The following NTRK3 variants were observed in gnomAD, a reference collection of about 807,000 sequenced individuals.
NTRK3 encodes NT-3 growth factor receptor.
A neutral mutation model predicts 91.7 loss-of-function variants in NTRK3; 24 were observed. The ratio of observed to expected loss-of-function variants is 0.26; its 90% CI spans 0.19 to 0.37. The LOEUF (loss-of-function observed/expected upper bound fraction) is 0.37, where lower values mean the gene tolerates loss of function less well. Among genes scored for constraint, NTRK3 ranks in the 10% least tolerant of loss-of-function variants. The pLI is 1.00. For missense variants in NTRK3, 880 were observed against 1,068.9 expected (o/e 0.82, Z 2.46); for synonymous variants, 483 against 404.0 (o/e 1.20, Z -2.34).
chr15:87,879,046 G>T (rs564648879), intron 18 of NTRK3, among the ~76,000 whole-genome samples: 201 of 151,904 alleles, frequency 1.3e-3, no homozygotes, highest in African/African-American at 4.6e-3. Context: ...TATTTTAAAA[G>T]ATTGTTAAAA....
intron 16 of NTRK3, among the ~76,000 whole-genome samples, chr15:87,930,612 T>C (rs755310665): frequency 1.3e-5 from 2 of 151,928 alleles, no homozygotes; most frequent in Non-Finnish European, 2.9e-5. Context: ...AATATGGAGA[T>C]GTGAGAGCAG....
intron 13 of NTRK3, among the ~76,000 whole-genome samples, chr15:88,063,559 G>C (rs951740852): frequency 2.6e-5 from 4 of 152,194 alleles, no homozygotes; most frequent in Non-Finnish European, 5.9e-5. Flanking sequence ...TAGCACTGTA[G>C]CTGGTCCTCA....
chr15:88,034,028 G>T (rs964245942), intron 13 of NTRK3, among the ~76,000 whole-genome samples: 1 of 152,014 alleles, frequency 6.6e-6, no homozygotes, highest in Admixed American at 6.6e-5. Flanking sequence ...TTACAATCAG[G>T]ATCAAGAAAC....
exon 19 of NTRK3, chr15:87,861,141 T>C (rs1421331755): frequency 8.9e-6 from 2 of 224,836 alleles, no homozygotes; most frequent in East Asian, 6.4e-5. Context: ...AGATTGCCAA[T>C]ATATTTATGC....
chr15:88,146,629 T>C (rs1377604049), intron 6 of NTRK3, among the ~76,000 whole-genome samples: 2 of 152,232 alleles, frequency 1.3e-5, no homozygotes, highest in Non-Finnish European at 2.9e-5. Context: ...GGCCTTCCTT[T>C]GTTTGTGCAG....
At chr15:87,886,391 T>G (rs896900772) in intron 17 of NTRK3, among the ~76,000 whole-genome samples, 2 of 151,890 alleles carry the variant, frequency 1.3e-5, no homozygotes, top group African/African-American at 2.4e-5. Context: ...AGGCAAAAAT[T>G]TGTTCACCAT....
chr15:87,868,011 G>A (rs369106533), exon 19 of NTRK3: 2 of 230,198 alleles, frequency 8.7e-6, no homozygotes, highest in East Asian at 6.2e-5. Flanking sequence ...GGTATGTGTC[G>A]ATAATAAGAG....
Position 87,885,751 on chromosome 15 carries a change from A to G in NTRK3, c.2134-5323T>C, listed in dbSNP as rs2065497255. 3 of 1,179,128 alleles carry G rather than the reference A, an allele frequency of 2.5e-6. No individual in the cohort carries two copies. In the South Asian group the frequency reaches 6.3e-5, roughly 25 times the overall value. The allele number at this position is 1,179,128 out of a possible 1,614,324, so 73.0% of individuals were successfully genotyped here. A position where few individuals can be genotyped will look rare whatever the true frequency, so the allele number is the denominator to read the frequency against. ...GATTAAAGAGCTAAACATAAAAAAC[A>G]AAACAATAATAATATTAGAAGAAAA... On this transcript the variant is annotated intron_variant, in intron 17 of 18. Transcript: ENST00000394480.
rs1315991298 is a variant in NTRK3, at chr15:88,186,435, CAA to C, written c.249-2138_249-2137del. Among the ~76,000 whole-genome samples, 4 of 152,242 alleles carry C rather than the reference CAA, an allele frequency of 2.6e-5. No homozygotes were observed. The East Asian group carries it at 5.8e-4, about 22-fold the overall frequency. ...AGAGAAATGAATGAACTCCTTGCTG[CAA>C]AGAGTCCTCCGGTAAGTAGAATAAT... On this transcript the variant is annotated intron_variant, in intron 3 of 18. Transcript: ENST00000394480.
chr15:87,931,914 A>G lies in NTRK3; in HGVS notation c.1889+1098T>C, dbSNP rs1052331957. On this transcript the variant is annotated intron_variant, in intron 16 of 18. Coordinates refer to ENST00000394480, the Ensembl canonical transcript of NTRK3. ...CTTTGGAAATCTTATCCTCAGCCAC[A>G]GAGTTCAATGAGATTCAAATTGTGG... Among the ~76,000 whole-genome samples, 3 of 152,218 alleles carry G rather than the reference A, an allele frequency of 2.0e-5. No individual in the cohort carries two copies. In the East Asian group the frequency reaches 5.8e-4, roughly 29 times the overall value.
intron 13 of NTRK3, among the ~76,000 whole-genome samples, chr15:88,043,564 A>G (rs535288064): frequency 4.7e-4 from 72 of 152,270 alleles, no homozygotes; most frequent in African/African-American, 1.4e-3. Flanking sequence ...ACCCACTCAC[A>G]TCATGTCCCT....
At position 88,127,061 on chromosome 15, in the gene NTRK3, A is replaced by G. The variant is rs924178914; in HGVS notation, c.1293+101T>C. The G allele has an allele frequency of 1.4e-5, 15 of 1,050,630 alleles. No homozygotes were observed. In the East Asian group the frequency reaches 3.7e-4, roughly 26 times the overall value. The allele number at this position is 1,050,630 out of a possible 1,614,324, so 65.1% of individuals were successfully genotyped here. A position where few individuals can be genotyped will look rare whatever the true frequency, so the allele number is the denominator to read the frequency against. On this transcript the variant is annotated intron_variant, in intron 12 of 18. Transcript: ENST00000394480. ...TCAATTCATTACTTTTTTTTTTCAA[A>G]GTTTCAAGTAAGATAATATTTGGAA...
At chr15:88,181,295 C>T (rs1006670043) in intron 5 of NTRK3, among the ~76,000 whole-genome samples, 1 of 152,146 alleles carries the variant, frequency 6.6e-6, no homozygotes, top group Admixed American at 6.5e-5. Context: ...ATCTTGCAAA[C>T]CTCCACCAGC....
chr15:87,917,010 C>G (rs927137212), intron 17 of NTRK3, among the ~76,000 whole-genome samples: 6 of 152,196 alleles, frequency 3.9e-5, no homozygotes, highest in East Asian at 3.9e-4. Context: ...GTGATCCCCC[C>G]GCCTGGGCCA....
chr15:88,152,088 G>C (rs2043433338), intron 5 of NTRK3, among the ~76,000 whole-genome samples: 1 of 152,164 alleles, frequency 6.6e-6, no homozygotes, highest in Admixed American at 6.5e-5. Context: ...ATCACCTGAT[G>C]TCAGCAGTTT....
intron 17 of NTRK3, among the ~76,000 whole-genome samples, chr15:87,903,686 G>A (rs1161800340): frequency 6.6e-6 from 1 of 152,142 alleles, no homozygotes; most frequent in African/African-American, 2.4e-5. Context: ...CTAAACTAAT[G>A]AGGACATGCG....
intron 3 of NTRK3, among the ~76,000 whole-genome samples, chr15:88,244,086 T>A (rs979110351): frequency 2.0e-5 from 3 of 152,136 alleles, no homozygotes; most frequent in East Asian, 3.9e-4. Flanking sequence ...CCACTGGGTG[T>A]CACTGCTGCC....
At position 88,240,921 on chromosome 15, in the gene NTRK3, T is replaced by C. The variant is rs182421576; in HGVS notation, c.248+14985A>G. 5.1e-4 allele frequency among the ~76,000 whole-genome samples: 78 copies of C among 152,330 alleles called. No homozygotes were observed. Among genetic ancestry groups the C allele is most frequent in the Admixed American group, 1.9e-3 (29 of 15,308 alleles). On this transcript the variant is annotated intron_variant, in intron 3 of 18. Coordinates refer to ENST00000394480, the Ensembl canonical transcript of NTRK3. This position sits in a 1 kb window ranked among gnomAD's most constrained non-coding sequence, Gnocchi z 4.9. ...AGCAATGAGAATGGTGTGCCCAGCA[T>C]TCTGCATGGAGGCATGTGTGCCCTC... is the stretch of plus-strand genomic sequence containing the variant.
At chr15:88,053,195 T>C (rs1277481064) in intron 13 of NTRK3, among the ~76,000 whole-genome samples, 1 of 152,172 alleles carries the variant, frequency 6.6e-6, no homozygotes, top group Non-Finnish European at 1.5e-5. Flanking sequence ...CTAGTGGTAC[T>C]GGCAGCCACA....
Sources: gnomAD v4.1 joint callset for allele counts (sites outside exome capture counted in the v4.1 genomes callset) on GRCh38, gnomAD v4.1.1 for gene constraint, Gnocchi (gnomAD v3.1) non-coding constraint, MANE v1.5 for transcripts, NCBI Gene and HGNC (gene_info 2026-07-23, HGNC 2026-07-21) for gene names.